The following NKAIN3 variants were observed in gnomAD, a reference collection of about 807,000 sequenced individuals.
The protein encoded by NKAIN3 is sodium/potassium-transporting ATPase subunit beta-1-interacting protein 3.
In NKAIN3, 25 loss-of-function variants were observed where a neutral mutation model predicts 30.2. The ratio of observed to expected loss-of-function variants is 0.83; its 90% CI spans 0.60 to 1.16. The LOEUF is 1.16. NKAIN3 is among the 50% of genes most tolerant of loss of function. The probability of loss-of-function intolerance (pLI) is 0.00; values close to 1 mark genes in which losing one functional copy is unlikely to be tolerated. For missense variants in NKAIN3, 225 were observed against 254.1 expected (o/e 0.89, Z 0.78); for synonymous variants, 91 against 89.6 (o/e 1.02, Z -0.09).
intron 5 of NKAIN3, among the ~76,000 whole-genome samples, chr8:62,933,812 T>C (rs1010693647): frequency 2.0e-5 from 3 of 152,206 alleles, no homozygotes; most frequent in Admixed American, 2.0e-4. Context: ...TTTCCAATCT[T>C]ATTTTCTCCT....
intron 1 of NKAIN3, among the ~76,000 whole-genome samples, chr8:62,391,065 T>A (rs1409039771): frequency 3.3e-5 from 5 of 152,182 alleles, no homozygotes; most frequent in African/African-American, 7.2e-5. Flanking sequence ...TGTTTGTCAA[T>A]TTTTAATTTT....
chr8:62,367,593 G>T, intron 1 of NKAIN3, among the ~76,000 whole-genome samples: 1 of 152,080 alleles, frequency 6.6e-6, no homozygotes, highest in East Asian at 1.9e-4. Flanking sequence ...CCACAATAAA[G>T]GTGCAATTTT....
intron 3 of NKAIN3, among the ~76,000 whole-genome samples, chr8:62,590,702 A>G (rs913896687): frequency 6.6e-6 from 1 of 151,860 alleles, no homozygotes; most frequent in African/African-American, 2.4e-5. Context: ...ATACTTTAAG[A>G]ATTCTTAGGT....
chr8:62,421,921 A>T (rs57800177), intron 1 of NKAIN3, among the ~76,000 whole-genome samples: 21,015 of 151,880 alleles, frequency 0.14, 1,741 homozygotes, highest in East Asian at 0.4. Flanking sequence ...TGGGATTCAA[A>T]CTCAAGCCTC....
At chr8:62,271,190 A>G (rs1199465679) in intron 1 of NKAIN3, among the ~76,000 whole-genome samples, 1 of 152,210 alleles carries the variant, frequency 6.6e-6, no homozygotes, top group African/African-American at 2.4e-5. Flanking sequence ...GGAATGCAGC[A>G]TGGATGAAAT....
At chr8:62,624,984 G>A (rs58261377) in intron 3 of NKAIN3, among the ~76,000 whole-genome samples, 44,461 of 151,442 alleles carry the variant, frequency 0.29, 7,590 homozygotes, top group African/African-American at 0.48. Flanking sequence ...TTTTTACATC[G>A]TCTATCTTTT....
chr8:62,282,048 G>T (rs1031019972), intron 1 of NKAIN3, among the ~76,000 whole-genome samples: 1 of 150,818 alleles, frequency 6.6e-6, no homozygotes, highest in Non-Finnish European at 1.5e-5. Flanking sequence ...TCTCTCTCGA[G>T]ACATCTGTAA....
chr8:62,556,722 T>C (rs935834850), intron 1 of NKAIN3, among the ~76,000 whole-genome samples: 1 of 151,812 alleles, frequency 6.6e-6, no homozygotes, highest in Non-Finnish European at 1.5e-5. Flanking sequence ...AAATATTAAA[T>C]TTGTCAAAAA....
chr8:62,746,879 A>G, intron 3 of NKAIN3, 53 bp from the exon 4 acceptor site: 2 of 1,293,344 alleles, frequency 1.5e-6, no homozygotes, highest in Non-Finnish European at 2.2e-6. Flanking sequence ...AAAGTCAAAG[A>G]CGTGATGTAA....
intron 3 of NKAIN3, among the ~76,000 whole-genome samples, chr8:62,699,430 T>C (rs1814262389): frequency 6.6e-6 from 1 of 152,228 alleles, no homozygotes; most frequent in Non-Finnish European, 1.5e-5. Flanking sequence ...TCAGTGCTAA[T>C]GAAATAAACT....
chr8:62,826,802 A>T (rs1161287497), intron 4 of NKAIN3, among the ~76,000 whole-genome samples: 3 of 152,198 alleles, frequency 2.0e-5, no homozygotes, highest in African/African-American at 7.2e-5. Flanking sequence ...AGCTAGGAAA[A>T]CAGAGGAAGT....
intron 4 of NKAIN3, among the ~76,000 whole-genome samples, chr8:62,808,899 C>A (rs549531147): frequency 2.0e-5 from 3 of 152,224 alleles, no homozygotes; most frequent in South Asian, 4.2e-4. Context: ...CAGGAATTTC[C>A]TCATCCTAAT....
At chr8:62,738,303 T>C (rs1174999701) in intron 3 of NKAIN3, among the ~76,000 whole-genome samples, 2 of 152,144 alleles carry the variant, frequency 1.3e-5, no homozygotes, top group Non-Finnish European at 2.9e-5. Flanking sequence ...TTTGGCCACA[T>C]GCATGTCTTC....
Position 62,805,896 on chromosome 8 carries a change from C to T in NKAIN3, c.471+58767C>T, listed in dbSNP as rs185938172. On this transcript the variant is annotated intron_variant, in intron 4 of 6. Coordinates refer to ENST00000623646, the MANE Select transcript of NKAIN3 (RefSeq NM_001304533.3). Reference sequence around the variant, plus strand: ...CAAAATGGGAGAAAATTTTTGCAACCTACTCATCTGACAAAGGGCTAATAT... The same window carrying T: ...CAAAATGGGAGAAAATTTTTGCAACTTACTCATCTGACAAAGGGCTAATAT... Among the ~76,000 whole-genome samples the T allele has an allele frequency of 3.3e-5, 5 of 152,220 alleles. No homozygotes were observed. The East Asian group carries it at 9.7e-4, about 29-fold the overall frequency.
intron 1 of NKAIN3, among the ~76,000 whole-genome samples, chr8:62,440,006 TCAGGAC>T (rs1397003625): frequency 6.6e-6 from 1 of 152,192 alleles, no homozygotes; most frequent in Non-Finnish European, 1.5e-5. Context: ...AGAAAGACAT[TCAGGAC>T]CCACTTTTTC....
chr8:62,258,477 T>A (rs1274742696), intron 1 of NKAIN3, among the ~76,000 whole-genome samples: 1 of 151,492 alleles, frequency 6.6e-6, no homozygotes, highest in Non-Finnish European at 1.5e-5. Flanking sequence ...GGAGAACCCC[T>A]CTCTCCAAAA....
At chr8:62,491,556 C>A (rs763918362) in intron 1 of NKAIN3, among the ~76,000 whole-genome samples, 1 of 152,068 alleles carries the variant, frequency 6.6e-6, no homozygotes, top group African/African-American at 2.4e-5. Context: ...AAATAGTGAC[C>A]TCTGAGGGGT....
At chr8:62,764,013 A>C (rs1235028903) in intron 4 of NKAIN3, among the ~76,000 whole-genome samples, 1 of 152,178 alleles carries the variant, frequency 6.6e-6, no homozygotes, top group Non-Finnish European at 1.5e-5. Flanking sequence ...TCAGGCTGGC[A>C]TGTCTCTGGT....
intron 4 of NKAIN3, among the ~76,000 whole-genome samples, chr8:62,813,319 G>A (rs562782214): frequency 4.9e-4 from 74 of 150,638 alleles, no homozygotes; most frequent in African/African-American, 1.8e-3. Flanking sequence ...GATTGTTTTA[G>A]CTGTTCAGAA....
Sources: allele counts gnomAD v4.1 joint callset (sites outside exome capture counted in the v4.1 genomes callset), GRCh38; gene constraint gnomAD v4.1.1; transcripts MANE v1.5; gene names NCBI Gene and HGNC (gene_info 2026-07-23, HGNC 2026-07-21).